Variants in AGXT2 observed in about 807,000 individuals in gnomAD.
The protein encoded by AGXT2 is alanine--glyoxylate aminotransferase 2, mitochondrial.
In AGXT2, 61 loss-of-function variants were observed where a neutral mutation model predicts 62.5. That is an observed-to-expected ratio of 0.98 (90% CI 0.79 to 1.21). AGXT2 has a LOEUF of 1.21. AGXT2 is among the 50% of genes most tolerant of loss of function. The pLI is 0.00. For missense variants in AGXT2, 666 were observed against 641.5 expected (o/e 1.04, Z -0.41); for synonymous variants, 243 against 218.7 (o/e 1.11, Z -0.98).
intron 6 of AGXT2, 150 bp from the exon 7 acceptor site, chr5:35,032,975 T>C: frequency 2.8e-6 from 2 of 708,388 alleles, no homozygotes; most frequent in Non-Finnish European, 5.0e-6. Context: ...GGATCTGCTT[T>C]GAAGAGATAA....
rs1158448672 is a variant in AGXT2 at position 34,998,684 on chromosome 5, C to CT, written c.*34dup. The stretch of plus-strand genomic sequence containing the variant: ...CACCCTTGAACATACGTGGCAAATT[C>CT]TTGAGACTTGTGGTTTTATTTATTT... On this transcript the variant is annotated 3_prime_UTR_variant, in exon 14 of 14. Transcript: ENST00000231420. 1 of 1,567,972 alleles carries CT rather than the reference C, an allele frequency of 6.4e-7. No individual in the cohort carries two copies. The highest frequency in any genetic ancestry group is 1.4e-5 in the African/African-American group (1 of 74,018).
At chr5:35,009,832 C>T (rs563984173) in intron 12 of AGXT2, among the ~76,000 whole-genome samples, 168 bp downstream of exon 12, 99 of 152,286 alleles carry the variant, frequency 6.5e-4, no homozygotes, top group African/African-American at 2.3e-3. Context: ...GATCTGCCAG[C>T]ATTTTGTTCA....
intron 13 of AGXT2, among the ~76,000 whole-genome samples, chr5:35,002,432 T>C (rs1766262239): frequency 6.6e-6 from 1 of 152,190 alleles, no homozygotes; most frequent in East Asian, 1.9e-4. Flanking sequence ...ATGCCTCATT[T>C]CTGGAACCTT....
chr5:35,016,637 G>A (rs1205532816), intron 9 of AGXT2, among the ~76,000 whole-genome samples: 2 of 152,134 alleles, frequency 1.3e-5, no homozygotes, highest in African/African-American at 4.8e-5. Flanking sequence ...ACATGAGCCT[G>A]CCGTCTTCTC....
intron 1 of AGXT2, among the ~76,000 whole-genome samples, chr5:35,045,764 C>CT (rs1255749919): frequency 0.32 from 31,304 of 97,936 alleles, 4,385 homozygotes; most frequent in South Asian, 0.37. Context: ...TTTCTTTTTT[C>CT]TTTTTTTTTT....
rs1472488987 is a variant in AGXT2, at chr5:35,010,078, C to T, written c.1260G>A (p.Lys420=). The change falls in exon 12 of 14, where the codon AAG becomes AAA. Residue 420 remains lysine (K), a synonymous_variant. Coordinates refer to ENST00000231420, the MANE Select transcript of AGXT2 (RefSeq NM_031900.4). ...CAACAATTTCAAATTCATCCCGCAGCTTAGCAAACTTTAGTAACATGTAGG... is the reference window on the plus strand; with the variant it reads ...CAACAATTTCAAATTCATCCCGCAGTTTAGCAAACTTTAGTAACATGTAGG... ...VGTYMLLKFA[K]LRDEFEIVGD... The T allele has an allele frequency of 9.9e-6, 16 of 1,614,128 alleles. No homozygotes were observed. The East Asian group carries it at 1.3e-4, about 13-fold the overall frequency.
intron 9 of AGXT2, among the ~76,000 whole-genome samples, chr5:35,021,309 C>G (rs1301199727): frequency 6.6e-6 from 1 of 152,050 alleles, no homozygotes; most frequent in African/African-American, 2.4e-5. Flanking sequence ...ATCACACTAC[C>G]TGACTTCAAA....
intron 1 of AGXT2, among the ~76,000 whole-genome samples, chr5:35,045,853 C>T (rs1274469541): frequency 1.3e-5 from 2 of 150,326 alleles, no homozygotes; most frequent in African/African-American, 2.5e-5. Flanking sequence ...CTGCAAGCTC[C>T]GACTCCCGGG....
intron 13 of AGXT2, among the ~76,000 whole-genome samples, 161 bp from the exon 14 acceptor site, chr5:34,998,987 T>C (rs1766130648): frequency 6.6e-6 from 1 of 152,178 alleles, no homozygotes; most frequent in South Asian, 2.1e-4. Context: ...ATCCAGGCCA[T>C]TCACCCTCCA....
chr5:35,036,562 G>T (rs1413316055), intron 4 of AGXT2, among the ~76,000 whole-genome samples: 5 of 152,148 alleles, frequency 3.3e-5, no homozygotes, highest in African/African-American at 4.8e-5. Flanking sequence ...TTGCAGAAAG[G>T]CTAAGGAGCG....
At chr5:35,016,588 A>G (rs1232495051) in intron 9 of AGXT2, among the ~76,000 whole-genome samples, 3 of 152,032 alleles carry the variant, frequency 2.0e-5, no homozygotes, top group African/African-American at 7.2e-5. Flanking sequence ...TTCCCTTAAC[A>G]TAAAAGGAAC....
chr5:35,016,528 G>A lies in AGXT2; in HGVS notation c.964-2409C>T, dbSNP rs779756401. 1.5e-4 allele frequency among the ~76,000 whole-genome samples: 23 copies of A among 152,084 alleles called. 1 individual carries two copies. Among genetic ancestry groups the A allele is most frequent in the Non-Finnish European group, 1.8e-4 (12 of 68,010 alleles). ...AGTTTATCCTTGCTGCAGCCCAAAC[G>A]TCTGTGGTCACCAGTCACCTTTTGA... On this transcript the variant is annotated intron_variant, in intron 9 of 13. Coordinates refer to ENST00000231420, the MANE Select transcript of AGXT2 (RefSeq NM_031900.4).
intron 9 of AGXT2, among the ~76,000 whole-genome samples, chr5:35,022,394 T>C (rs1358941258): frequency 1.3e-5 from 2 of 151,808 alleles, no homozygotes; most frequent in East Asian, 3.9e-4. Context: ...TATGCAGCCA[T>C]AAAAAATGAT....
intron 9 of AGXT2, among the ~76,000 whole-genome samples, chr5:35,024,565 T>G (rs545154365): frequency 6.6e-6 from 1 of 152,258 alleles, no homozygotes; most frequent in Non-Finnish European, 1.5e-5. Flanking sequence ...GCTTTAATGC[T>G]GCTTTAATTC....
intron 4 of AGXT2, among the ~76,000 whole-genome samples, chr5:35,036,733 A>T (rs575084892): frequency 6.6e-6 from 1 of 152,318 alleles, no homozygotes; most frequent in Admixed American, 6.5e-5. Context: ...AGCAATTCAT[A>T]AATTCCCTTC....
rs1473720601 is a variant in AGXT2, at chr5:35,006,733, A to G, written c.1339-2872T>C. ...ATTTAAAATTTTGAGAGCTGCAGAC[A>G]AATTACTGTCCAAAGGGCTGTACCT... On this transcript the variant is annotated intron_variant, in intron 12 of 13. Coordinates refer to ENST00000231420, the MANE Select transcript of AGXT2 (RefSeq NM_031900.4). Among the ~76,000 whole-genome samples the G allele has an allele frequency of 3.9e-5, 6 of 152,210 alleles. 1 individual carries two copies. Among genetic ancestry groups the G allele is most frequent in the Admixed American group, 2.0e-4 (3 of 15,278 alleles).
intron 7 of AGXT2, among the ~76,000 whole-genome samples, chr5:35,027,717 A>G (rs1431912704): frequency 6.6e-6 from 1 of 151,314 alleles, no homozygotes; most frequent in Non-Finnish European, 1.5e-5. Flanking sequence ...TGAGGCCCAG[A>G]ATGAGGTAGA....
At chr5:35,019,806 C>G (rs1008368987) in intron 9 of AGXT2, among the ~76,000 whole-genome samples, 1 of 151,704 alleles carries the variant, frequency 6.6e-6, no homozygotes, top group East Asian at 1.9e-4. Flanking sequence ...AAAGGATCAA[C>G]AAAATTGATA....
chr5:35,036,878 C>A, intron 4 of AGXT2, 64 bp downstream of exon 4: 1 of 1,607,354 alleles, frequency 6.2e-7, no homozygotes, highest in East Asian at 2.2e-5. Flanking sequence ...TCTCTTTGAG[C>A]TGGGAGCATC....
Sources: allele counts gnomAD v4.1 joint callset (sites outside exome capture counted in the v4.1 genomes callset), GRCh38; gene constraint gnomAD v4.1.1; transcripts MANE v1.5; gene names NCBI Gene and HGNC (gene_info 2026-07-23, HGNC 2026-07-21).